Variants in GRM8 observed in about 807,000 individuals in gnomAD.
GRM8 encodes metabotropic glutamate receptor 8.
GRM8 carries 47 observed loss-of-function variants against 87.2 expected under a neutral mutation model. The ratio of observed to expected loss-of-function variants is 0.54; its 90% CI spans 0.43 to 0.69. GRM8 has a LOEUF of 0.69. Among genes scored for constraint, GRM8 ranks in the 30% least tolerant of loss-of-function variants. GRM8 has a pLI of 0.00. For synonymous variants in GRM8, 396 were observed against 404.5 expected, an observed-to-expected ratio of 0.98 and a Z score of 0.25; for missense variants, 1,019 against 1,139.2, an observed-to-expected ratio of 0.89 and a Z score of 1.52.
chr7:126,496,109 C>T (rs1222461176), intron 9 of GRM8, among the ~76,000 whole-genome samples: 1 of 151,736 alleles, frequency 6.6e-6, no homozygotes, highest in East Asian at 1.9e-4. Context: ...AGCTCTGTTT[C>T]TTCTATTTTA....
At chr7:127,125,131 T>G (rs981915250) in intron 2 of GRM8, among the ~76,000 whole-genome samples, 1 of 152,160 alleles carries the variant, frequency 6.6e-6, no homozygotes, top group Non-Finnish European at 1.5e-5. Context: ...ATTAGCAAGC[T>G]GATTCTAAAA....
At chr7:127,131,009 A>G (rs1418066388) in intron 2 of GRM8, among the ~76,000 whole-genome samples, 1 of 152,228 alleles carries the variant, frequency 6.6e-6, no homozygotes, top group Non-Finnish European at 1.5e-5. Context: ...GACTAATACA[A>G]AAAGGTTTTT....
intron 6 of GRM8, among the ~76,000 whole-genome samples, chr7:126,837,723 A>G (rs1466458685): frequency 6.6e-6 from 1 of 152,230 alleles, no homozygotes; most frequent in Non-Finnish European, 1.5e-5. Context: ...ACAGCAGAAG[A>G]TTTGTGATGC....
chr7:126,855,299 T>G (rs188080236), intron 6 of GRM8, among the ~76,000 whole-genome samples: 1 of 152,280 alleles, frequency 6.6e-6, no homozygotes, highest in South Asian at 2.1e-4. Flanking sequence ...TACATTGTGC[T>G]AGCTAACTTG....
chr7:127,149,558 T>C (rs1828734487), intron 2 of GRM8, among the ~76,000 whole-genome samples: 1 of 152,106 alleles, frequency 6.6e-6, no homozygotes, highest in South Asian at 2.1e-4. Flanking sequence ...ATCCCTCTTC[T>C]GGGCATATAC....
chr7:126,809,848 T>G (rs1396810831), intron 6 of GRM8, among the ~76,000 whole-genome samples: 2 of 152,138 alleles, frequency 1.3e-5, no homozygotes, highest in Non-Finnish European at 1.5e-5. Flanking sequence ...CCTATTTTCC[T>G]AGATTCTCAA....
intron 9 of GRM8, among the ~76,000 whole-genome samples, chr7:126,507,108 C>T (rs927191673): frequency 6.6e-6 from 1 of 151,470 alleles, no homozygotes; most frequent in African/African-American, 2.4e-5. Flanking sequence ...TGGCAATATG[C>T]TTTCTTGTGG....
intron 9 of GRM8, among the ~76,000 whole-genome samples, chr7:126,448,352 A>G (rs1802250628): frequency 6.6e-6 from 1 of 151,944 alleles, no homozygotes; most frequent in African/African-American, 2.4e-5. Flanking sequence ...TAGTCTTGCT[A>G]ACATGTATAG....
At chr7:127,195,135 A>C (rs17863237) in intron 2 of GRM8, among the ~76,000 whole-genome samples, 3 of 152,074 alleles carry the variant, frequency 2.0e-5, no homozygotes, top group Admixed American at 1.3e-4. Context: ...TATCTGATAC[A>C]TATGTACAAA....
intron 7 of GRM8, among the ~76,000 whole-genome samples, chr7:126,713,608 T>TAA (rs199535083): frequency 8.4e-5 from 5 of 59,572 alleles, no homozygotes; most frequent in East Asian, 4.3e-4. Flanking sequence ...GAACTTAAAG[T>TAA]AAAAAAAAAA....
intron 3 of GRM8, among the ~76,000 whole-genome samples, chr7:126,963,366 T>G (rs778403138): frequency 2.0e-5 from 3 of 152,212 alleles, no homozygotes; most frequent in African/African-American, 7.2e-5. Context: ...CAATTGAATC[T>G]GAATTATTTT....
intron 3 of GRM8, among the ~76,000 whole-genome samples, chr7:127,066,873 G>A (rs1173937364): frequency 6.6e-6 from 1 of 152,072 alleles, no homozygotes; most frequent in African/African-American, 2.4e-5. Flanking sequence ...TTCCACATAT[G>A]AGTGACAACA....
At chr7:127,002,689 C>T (rs1813853478) in intron 3 of GRM8, among the ~76,000 whole-genome samples, 1 of 151,758 alleles carries the variant, frequency 6.6e-6, no homozygotes, top group East Asian at 1.9e-4. Context: ...CTCAGTCTTC[C>T]ACCTCCAAGG....
At chr7:126,646,327 G>GAAGGAAAGAAGGAAGGAAGGAAGA (rs1803087864) in intron 7 of GRM8, among the ~76,000 whole-genome samples, 1 of 151,430 alleles carries the variant, frequency 6.6e-6, no homozygotes. Context: ...AGGAAGAAAG[G>GAAGGAAAGAAGGAAGGAAGGAAGA]AAGGAAGGAA....
chr7:126,827,640 T>C (rs1447149347), intron 6 of GRM8, among the ~76,000 whole-genome samples: 1 of 152,228 alleles, frequency 6.6e-6, no homozygotes, highest in Middle Eastern at 3.2e-3. Context: ...TTTCTAGATA[T>C]ATAATCATGT....
At chr7:126,822,987 A>G (rs1198493730) in intron 6 of GRM8, among the ~76,000 whole-genome samples, 2 of 152,208 alleles carry the variant, frequency 1.3e-5, no homozygotes, top group Non-Finnish European at 2.9e-5. Context: ...CAGATCCCCC[A>G]ACCAACTCTA....
chr7:126,818,616 A>G lies in GRM8; in HGVS notation c.1157-48551T>C, dbSNP rs146570546. On this transcript the variant is annotated intron_variant, in intron 6 of 10. Transcript: ENST00000339582. ...AATCTGTAAAAGCGAAAATGCTCTG[A>G]GTCATACATTTAAAATTTTAAAAGT... Among the ~76,000 whole-genome samples, 381 of 152,342 alleles carry G rather than the reference A, an allele frequency of 2.5e-3. 3 individuals carry two copies. Among genetic ancestry groups the G allele is most frequent in the African/African-American group, 8.9e-3 (369 of 41,572 alleles).
intron 9 of GRM8, among the ~76,000 whole-genome samples, chr7:126,515,564 T>C (rs562835033): frequency 2.2e-4 from 33 of 152,200 alleles, no homozygotes; most frequent in African/African-American, 7.7e-4. Context: ...CAAATGGGTC[T>C]CACTTGGCTA....
intron 9 of GRM8, among the ~76,000 whole-genome samples, chr7:126,464,573 G>A (rs1212684821): frequency 6.6e-6 from 1 of 151,442 alleles, no homozygotes; most frequent in Non-Finnish European, 1.5e-5. Context: ...TCCTTTCAGT[G>A]GAGGTGATTT....
Sources: allele counts gnomAD v4.1 joint callset (sites outside exome capture counted in the v4.1 genomes callset), GRCh38; gene constraint gnomAD v4.1.1; transcripts MANE v1.5; gene names NCBI Gene and HGNC (gene_info 2026-07-23, HGNC 2026-07-21).